Variants in SACM1L observed in about 807,000 individuals in gnomAD.
SACM1L encodes the protein phosphatidylinositol-3-phosphatase SAC1.
SACM1L carries 32 observed loss-of-function variants against 89.5 expected under a neutral mutation model. The observed-to-expected ratio is 0.36, with a 90% CI of 0.27 to 0.48. The LOEUF is 0.48. Ranked by LOEUF, SACM1L falls within the 20% of genes least tolerant of loss-of-function variation. SACM1L has a pLI of 0.99. For missense variants in SACM1L, 543 were observed against 708.5 expected (o/e 0.77, Z 2.65); for synonymous variants, 213 against 232.8 (o/e 0.92, Z 0.77).
At position 45,713,325 on chromosome 3, in the gene SACM1L, C is replaced by A. The variant is rs918277599; in HGVS notation, c.543+129C>A. On this transcript the variant is annotated intron_variant, in intron 6 of 19. Coordinates refer to ENST00000389061, the MANE Select transcript of SACM1L (RefSeq NM_014016.5). The stretch of plus-strand genomic sequence containing the variant: ...TTCTAATTTAACTGTTTATAACTTA[C>A]AAACTTGGATCAGGTCTACCCTGTC... The A allele has an allele frequency of 2.0e-5, 14 of 712,596 alleles. No individual in the cohort carries two copies. The Middle Eastern group carries it at 3.7e-3, about 190-fold the overall frequency. 44.1% of individuals were successfully genotyped at this position (712,596 alleles called of 1,614,324 possible).
At chr3:45,710,055 T>G (rs1048226865) in intron 5 of SACM1L, among the ~76,000 whole-genome samples, 9 of 152,226 alleles carry the variant, frequency 5.9e-5, no homozygotes, top group African/African-American at 2.2e-4. Context: ...GCAGTTACAT[T>G]AGCAGTGTAA....
At position 45,706,755 on chromosome 3, in the gene SACM1L, T is replaced by C. The variant is rs202078670; in HGVS notation, c.206-25T>C. On this transcript the variant is annotated intron_variant, in intron 3 of 19. Coordinates refer to ENST00000389061, the MANE Select transcript of SACM1L (RefSeq NM_014016.5). ...TTTAGAGTTACTATTTTTATAATTA[T>C]GTGTGTTTGGCTTGCTTTTTGCAGG... 6.4e-6 allele frequency: 10 copies of C among 1,562,352 alleles called. No individual in the cohort carries two copies. In the East Asian group the frequency reaches 1.8e-4, roughly 28 times the overall value.
At chr3:45,735,191 CT>C (rs1404694844) in intron 13 of SACM1L, 43 bp from the exon 14 acceptor site, 1 of 1,559,608 alleles carries the variant, frequency 6.4e-7, no homozygotes, top group African/African-American at 1.4e-5. Context: ...CTTAGTAAAT[CT>C]GACCTACTTT....
rs773820920 is a variant in SACM1L at position 45,706,800 on chromosome 3, A to T, written c.226A>T (p.Thr76Ser). Reference sequence around the variant, plus strand: ...TGCAGGTAATTATCTTATAGTCATTACCAAAAAGATAAAAGTAGGTGAATT... The same window carrying T: ...TGCAGGTAATTATCTTATAGTCATTTCCAAAAAGATAAAAGTAGGTGAATT... ...LVAGNYLIVI[T>S]KKIKVGEFFS... The change falls in exon 4 of 20, where the codon ACC (threonine) becomes TCC (serine). Residue 76 changes from threonine (T) to serine (S), a missense_variant. Thr to Ser is a moderately conservative substitution (Grantham distance 58, BLOSUM62 1). Around this residue, in one of 2 missense-constraint regions of SACM1L, gnomAD observed 173 missense variants for 180.9 expected, o/e 0.96. Coordinates refer to ENST00000389061, the MANE Select transcript of SACM1L (RefSeq NM_014016.5). The T allele has an allele frequency of 6.2e-7, 1 of 1,610,048 alleles. No individual in the cohort carries two copies. The highest frequency in any genetic ancestry group is 8.5e-7 in the Non-Finnish European group (1 of 1,177,288).
Position 45,735,261 on chromosome 3 carries a change from A to G in SACM1L, c.1127A>G (p.Gln376Arg), listed in dbSNP as rs140309045. Residue 376 changes from glutamine (Q) to arginine (R), a missense_variant, in exon 14 of 20, where the codon CAG becomes CGG. By Grantham distance (43) the Gln-to-Arg change is conservative. Coordinates refer to ENST00000389061, the MANE Select transcript of SACM1L (RefSeq NM_014016.5). ...LSYFLVDSAG[Q>R]VVANQEGVFR... ...TATTTTCTAGTGGACTCTGCTGGCC[A>G]GGTGGTGGCAAACCAGGAAGGCGTG... 13,052 of 1,612,964 alleles carry G rather than the reference A, an allele frequency of 8.1e-3. 80 individuals carry two copies. The highest frequency in any genetic ancestry group is 9.7e-3 in the Non-Finnish European group (11,425 of 1,179,758).
chr3:45,690,840 T>C (rs763574490), intron 1 of SACM1L, among the ~76,000 whole-genome samples: 4 of 152,220 alleles, frequency 2.6e-5, no homozygotes, highest in Non-Finnish European at 2.9e-5. Flanking sequence ...CAGGCCACTG[T>C]CACATGTGCT....
At chr3:45,706,698 A>T (rs1179133297) in intron 3 of SACM1L, 82 bp from the exon 4 acceptor site, 2 of 1,224,066 alleles carry the variant, frequency 1.6e-6, no homozygotes, top group Non-Finnish European at 2.3e-6. Flanking sequence ...ACTAGCCTTT[A>T]AAGTTAAACA....
Position 45,714,044 on chromosome 3 carries a change from A to G in SACM1L, c.544-2A>G. The stretch of plus-strand genomic sequence containing the variant: ...TATTCTAAATATATATCTTCATTTC[A>G]GGTTCATCGGTTTGCCCTTCCAGTG... On this transcript the variant is annotated splice_acceptor_variant, in intron 6 of 19. Coordinates refer to ENST00000389061, the MANE Select transcript of SACM1L (RefSeq NM_014016.5). LOFTEE classifies it high-confidence loss of function. The G allele has an allele frequency of 1.3e-6, 2 of 1,505,042 alleles. No individual in the cohort carries two copies. Among genetic ancestry groups the G allele is most frequent in the Non-Finnish European group, 1.8e-6 (2 of 1,097,672 alleles). The allele number at this position is 1,505,042 out of a possible 1,614,324, so 93.2% of individuals were successfully genotyped here.
chr3:45,723,086 C>A (rs539250413), intron 10 of SACM1L, 131 bp downstream of exon 10: 1 of 778,446 alleles, frequency 1.3e-6, no homozygotes, highest in South Asian at 1.9e-5. Flanking sequence ...TTCTTGGTTC[C>A]GGCACATAGT....
rs935133231 is a variant in SACM1L, at chr3:45,706,682, C to G, written c.206-98C>G. The G allele has an allele frequency of 4.9e-6, 5 of 1,010,644 alleles. No individual in the cohort carries two copies. The African/African-American group carries it at 8.2e-5, about 17-fold the overall frequency. 62.6% of individuals were successfully genotyped at this position (1,010,644 alleles called of 1,614,324 possible). A position where few individuals can be genotyped will look rare whatever the true frequency, so the allele number is the denominator to read the frequency against. ...TTATCTGAGTGGCACAATATAGTCT[C>G]ATTCTACTAGCCTTTAAAGTTAAAC... On this transcript the variant is annotated intron_variant, in intron 3 of 19. Coordinates refer to ENST00000389061, the MANE Select transcript of SACM1L (RefSeq NM_014016.5).
At chr3:45,719,903 T>G (rs1316404872) in intron 8 of SACM1L, among the ~76,000 whole-genome samples, 1 of 152,216 alleles carries the variant, frequency 6.6e-6, no homozygotes, top group African/African-American at 2.4e-5. Flanking sequence ...TAACCTAACT[T>G]AGAAAGTATT....
chr3:45,730,572 T>C (rs777481318), intron 11 of SACM1L: 7 of 152,258 alleles, frequency 4.6e-5, no homozygotes, highest in Non-Finnish European at 8.8e-5. Flanking sequence ...GGCAGTCCTT[T>C]GCTGAGTAGC....
chr3:45,720,430 T>C (rs1698763378), intron 8 of SACM1L, among the ~76,000 whole-genome samples: 1 of 150,054 alleles, frequency 6.7e-6, no homozygotes, highest in Admixed American at 6.6e-5. Context: ...CCTCATCTGC[T>C]TGGTTCTTAC....
intron 5 of SACM1L, among the ~76,000 whole-genome samples, chr3:45,712,842 T>TA (rs1698559865): frequency 6.6e-6 from 1 of 152,098 alleles, no homozygotes; most frequent in Non-Finnish European, 1.5e-5. Flanking sequence ...TTGGTAAAGA[T>TA]AGTGGGAGTA....
chr3:45,714,393 T>G (rs1348745755), intron 7 of SACM1L, among the ~76,000 whole-genome samples: 1 of 152,178 alleles, frequency 6.6e-6, no homozygotes, highest in Non-Finnish European at 1.5e-5. Flanking sequence ...ACATAAGTAG[T>G]TTGGACCTGG....
At chr3:45,696,820 A>G (rs1418878763) in intron 1 of SACM1L, among the ~76,000 whole-genome samples, 1 of 152,226 alleles carries the variant, frequency 6.6e-6, no homozygotes, top group Non-Finnish European at 1.5e-5. Context: ...TTCAGACACT[A>G]GAAAATCGCA....
chr3:45,709,017 C>T (rs947690202), intron 4 of SACM1L, among the ~76,000 whole-genome samples: 1 of 152,146 alleles, frequency 6.6e-6, no homozygotes, highest in African/African-American at 2.4e-5. Flanking sequence ...AACCAGGGAA[C>T]GTTTCTTGAG....
intron 1 of SACM1L, among the ~76,000 whole-genome samples, chr3:45,692,320 T>C (rs1414849929): frequency 6.6e-6 from 1 of 150,562 alleles, no homozygotes; most frequent in Non-Finnish European, 1.5e-5. Flanking sequence ...AAGAGAGTTT[T>C]TTTTTTTTTT....
intron 3 of SACM1L, among the ~76,000 whole-genome samples, chr3:45,705,543 C>T (rs1451820578): frequency 8.1e-6 from 1 of 122,832 alleles, no homozygotes; most frequent in Non-Finnish European, 1.6e-5. Flanking sequence ...ATTCTTGTTG[C>T]CCAGGCTGGA....
Sources: gnomAD v4.1 joint callset for allele counts (sites outside exome capture counted in the v4.1 genomes callset) on GRCh38, gnomAD v4.1.1 for gene constraint, gnomAD v4.1.1 regional missense constraint, MANE v1.5 for transcripts, NCBI Gene and HGNC (gene_info 2026-07-23, HGNC 2026-07-21) for gene names.